The following TMEM40 variants were observed in gnomAD, a reference collection of about 807,000 sequenced individuals.
TMEM40 encodes the protein transmembrane protein 40.
A neutral mutation model predicts 40.8 loss-of-function variants in TMEM40; 34 were observed. That is an observed-to-expected ratio of 0.83 (90% CI 0.63 to 1.11). The LOEUF is 1.11. Among genes scored for constraint, TMEM40 ranks in the 50% least tolerant of loss-of-function variants. The pLI, the probability that TMEM40 is intolerant of heterozygous loss-of-function variation, is 0.00. For missense variants in TMEM40, 296 were observed against 280.2 expected (o/e 1.06, Z -0.40); for synonymous variants, 106 against 107.0 (o/e 0.99, Z 0.06).
chr3:12,743,060 CT>C (rs1169373389), intron 4 of TMEM40, among the ~76,000 whole-genome samples: 1 of 152,244 alleles, frequency 6.6e-6, no homozygotes, highest in Non-Finnish European at 1.5e-5. Flanking sequence ...TAAACACCTT[CT>C]GTGTGGCAGG....
At chr3:12,764,818 T>C (rs2061586737) in intron 1 of TMEM40, among the ~76,000 whole-genome samples, 1 of 152,206 alleles carries the variant, frequency 6.6e-6, no homozygotes, top group African/African-American at 2.4e-5. Flanking sequence ...AAAGTTAAAA[T>C]TAACTTAAAG....
chr3:12,739,252 C>T (rs1246245130), intron 5 of TMEM40: 1 of 151,996 alleles, frequency 6.6e-6, no homozygotes, highest in Non-Finnish European at 1.5e-5. Context: ...TAAGAAAAGC[C>T]CTTGACATTT....
intron 5 of TMEM40, among the ~76,000 whole-genome samples, chr3:12,741,893 G>C (rs553031758): frequency 2.0e-5 from 3 of 152,066 alleles, no homozygotes; most frequent in African/African-American, 7.2e-5. Flanking sequence ...TCAGTAGTTC[G>C]AGACCAGCCT....
intron 9 of TMEM40, 42 bp downstream of exon 9, chr3:12,736,722 A>G: frequency 6.2e-7 from 1 of 1,613,198 alleles, no homozygotes; most frequent in Non-Finnish European, 8.5e-7. Context: ...GCACCACCCC[A>G]TGCCATCCCC....
At chr3:12,738,072 G>A (rs2106606311) in intron 7 of TMEM40, 64 bp downstream of exon 7, 1 of 1,600,232 alleles carries the variant, frequency 6.2e-7, no homozygotes, top group Non-Finnish European at 8.5e-7. Flanking sequence ...GCTGTCTGAG[G>A]ACCCAACCCA....
At chr3:12,735,713 C>T (rs1419607341) in intron 10 of TMEM40, 96 bp from the exon 11 acceptor site, 2 of 1,017,690 alleles carry the variant, frequency 2.0e-6, no homozygotes, top group Admixed American at 2.5e-5. Flanking sequence ...GCAAACAAAG[C>T]TCTGATGGTG....
chr3:12,754,892 G>T (rs1033558130), intron 1 of TMEM40, among the ~76,000 whole-genome samples: 3 of 152,226 alleles, frequency 2.0e-5, no homozygotes, highest in African/African-American at 7.2e-5. Flanking sequence ...CCTTGAGGAA[G>T]TCACCAGAGA....
upstream of TMEM40, among the ~76,000 whole-genome samples, chr3:12,763,725 C>A (rs990724494): frequency 6.6e-6 from 1 of 151,956 alleles, no homozygotes; most frequent in African/African-American, 2.4e-5. Flanking sequence ...GTCAAGGCAG[C>A]GCCTGGCACA....
intron 1 of TMEM40, among the ~76,000 whole-genome samples, chr3:12,768,382 G>GC (rs60602578): frequency 0.4 from 60,154 of 151,958 alleles, 12,695 homozygotes; most frequent in Non-Finnish European, 0.48. Context: ...CTCTTATGTG[G>GC]CCCCACTCAC....
intron 1 of TMEM40, among the ~76,000 whole-genome samples, chr3:12,754,233 A>G (rs893739165): frequency 1.3e-5 from 2 of 152,028 alleles, no homozygotes; most frequent in Admixed American, 6.6e-5. Flanking sequence ...AATGGCGTGA[A>G]CCCGGGAGGT....
At chr3:12,735,943 G>A (rs1440603142) in intron 10 of TMEM40, among the ~76,000 whole-genome samples, 1 of 152,124 alleles carries the variant, frequency 6.6e-6, no homozygotes, top group African/African-American at 2.4e-5. Flanking sequence ...TGCCCAGGCT[G>A]AACGAATTCC....
Position 12,735,571 on chromosome 3 carries a change from C to G in TMEM40, c.666G>C (p.Gln222His). ...SVLQGFIPLF[Q>H]KFRLTGFRKT... The stretch of plus-strand genomic sequence containing the variant: ...AAAAGTTACCTGTCAGCCTAAACTT[C>G]TGGAAGAGGGGGATGAAGCCTTGGA... The change falls in exon 11 of 12, where the codon CAG becomes CAC. Residue 222 changes from glutamine (Q) to histidine (H), a missense_variant. Physicochemically the swap from Gln to His is conservative, Grantham distance 24. Transcript: ENST00000314124. The G allele has an allele frequency of 6.2e-7, 1 of 1,613,750 alleles. No individual in the cohort carries two copies. Among genetic ancestry groups the G allele is most frequent in the Non-Finnish European group, 8.5e-7 (1 of 1,179,900 alleles).
chr3:12,757,701 A>G (rs1272425653), intron 1 of TMEM40, among the ~76,000 whole-genome samples: 1 of 152,186 alleles, frequency 6.6e-6, no homozygotes, highest in Non-Finnish European at 1.5e-5. Flanking sequence ...AAAGGTTAAA[A>G]AAGATTTACT....
At chr3:12,737,155 CA>C (rs2061343626) in intron 8 of TMEM40, among the ~76,000 whole-genome samples, 2 of 151,666 alleles carry the variant, frequency 1.3e-5, no homozygotes, top group Admixed American at 1.3e-4. Context: ...ATTGGGATTA[CA>C]GCTGTGAGCC....
At chr3:12,737,995 C>T in intron 7 of TMEM40, 141 bp downstream of exon 7, 1 of 1,134,340 alleles carries the variant, frequency 8.8e-7, no homozygotes, top group Non-Finnish European at 1.3e-6. Context: ...ACTGGAGATC[C>T]CCCTTCTGAA....
At chr3:12,738,930 G>A (rs1186208874) in intron 5 of TMEM40, 16 of 278,182 alleles carry the variant, frequency 5.8e-5, no homozygotes, top group African/African-American at 2.0e-4. Context: ...CAAGGTGGGC[G>A]GATCACGAGG....
intron 4 of TMEM40, among the ~76,000 whole-genome samples, chr3:12,743,540 A>G (rs2061399598): frequency 6.6e-6 from 1 of 152,212 alleles, no homozygotes; most frequent in Non-Finnish European, 1.5e-5. Context: ...GACAGTTCAA[A>G]AAAGGGAAAA....
chr3:12,754,911 A>G (rs1290140236), intron 1 of TMEM40, among the ~76,000 whole-genome samples: 3 of 152,098 alleles, frequency 2.0e-5, no homozygotes, highest in Non-Finnish European at 2.9e-5. Flanking sequence ...GAAGTTGCCA[A>G]CTTCAATATA....
At chr3:12,738,812 C>T (rs2061359183) in intron 5 of TMEM40, 1 of 517,012 alleles carries the variant, frequency 1.9e-6, no homozygotes, top group Non-Finnish European at 3.5e-6. Context: ...TCTTACAGGT[C>T]TGTCAATTTC....
Sources: allele counts gnomAD v4.1 joint callset (sites outside exome capture counted in the v4.1 genomes callset), GRCh38; gene constraint gnomAD v4.1.1; transcripts MANE v1.5; gene names NCBI Gene and HGNC (gene_info 2026-07-23, HGNC 2026-07-21).